Variants in CHCHD3 observed in about 807,000 individuals in gnomAD.
CHCHD3 encodes the protein coiled-coil-helix-coiled-coil-helix domain containing 3, also known as MICOS complex subunit MIC19.
A neutral mutation model predicts 38.2 loss-of-function variants in CHCHD3; 20 were observed. The observed-to-expected ratio is 0.52, with a 90% CI of 0.37 to 0.76. The LOEUF (loss-of-function observed/expected upper bound fraction) is 0.76. CHCHD3 is among the 30% of genes least tolerant of loss of function. The probability of loss-of-function intolerance (pLI) is 0.00; values close to 1 mark genes in which losing one functional copy is unlikely to be tolerated. For synonymous variants in CHCHD3, 82 were observed against 100.0 expected (o/e 0.82, Z 1.07); for missense variants, 245 against 279.2 (o/e 0.88, Z 0.87).
chr7:132,816,935 C>A (rs564216213), intron 6 of CHCHD3, among the ~76,000 whole-genome samples: 4 of 152,116 alleles, frequency 2.6e-5, no homozygotes, highest in African/African-American at 9.6e-5. Context: ...AAATGGCATA[C>A]AAAAGCCTGA....
intron 4 of CHCHD3, chr7:132,974,091 G>C: frequency 6.7e-6 from 8 of 1,185,222 alleles, no homozygotes; most frequent in South Asian, 1.4e-5. Context: ...ACATTATTCA[G>C]CCATTAAAAA....
At chr7:133,026,735 A>C (rs1397258709) in intron 2 of CHCHD3, among the ~76,000 whole-genome samples, 1 of 152,214 alleles carries the variant, frequency 6.6e-6, no homozygotes, top group Non-Finnish European at 1.5e-5. Context: ...AACATGATGA[A>C]TCTTGAAAAC....
At chr7:132,884,193 A>G (rs1809147060) in intron 5 of CHCHD3, among the ~76,000 whole-genome samples, 1 of 152,002 alleles carries the variant, frequency 6.6e-6, no homozygotes, top group South Asian at 2.1e-4. Context: ...TGCCAAGTTC[A>G]CGCCTGCTTC....
chr7:133,071,243 G>C (rs1814811480), intron 1 of CHCHD3, among the ~76,000 whole-genome samples: 1 of 152,134 alleles, frequency 6.6e-6, no homozygotes, highest in Non-Finnish European at 1.5e-5. Flanking sequence ...CAAGGATTTG[G>C]CTGTCCTATC....
At chr7:132,842,815 G>A (rs1165021425) in intron 5 of CHCHD3, among the ~76,000 whole-genome samples, 2 of 152,100 alleles carry the variant, frequency 1.3e-5, no homozygotes, top group Non-Finnish European at 2.9e-5. Flanking sequence ...TTTTATTGAG[G>A]TTGACCTTGA....
chr7:132,875,086 T>C (rs1296749883), intron 5 of CHCHD3, among the ~76,000 whole-genome samples: 1 of 152,156 alleles, frequency 6.6e-6, no homozygotes, highest in Non-Finnish European at 1.5e-5. Flanking sequence ...ACTAGCATTA[T>C]TCAGGGCACA....
intron 6 of CHCHD3, among the ~76,000 whole-genome samples, chr7:132,811,667 T>A (rs1246071847): frequency 1.3e-5 from 2 of 152,226 alleles, no homozygotes; most frequent in Non-Finnish European, 2.9e-5. Context: ...AGACATCTTA[T>A]AGGACCCGAT....
chr7:133,070,153 T>A lies in CHCHD3; in HGVS notation c.158A>T (p.Tyr53Phe). ...AAATTCAGCAATACCTGAGGCACCA[T>A]AAGCACCAGAATACCGCTGAGACTT... ...GSKSQRYSGA[Y>F]GASVSDEELK... Residue 53 changes from tyrosine (Y) to phenylalanine (F), a missense_variant, in exon 2 of 8, where the codon TAT becomes TTT. Transcript: ENST00000262570. 2 of 1,610,480 alleles carry A rather than the reference T, an allele frequency of 1.2e-6. No homozygotes were observed. Among genetic ancestry groups the A allele is most frequent in the Non-Finnish European group, 1.7e-6 (2 of 1,179,366 alleles).
Position 132,975,064 on chromosome 7 carries a change from A to G in CHCHD3, c.369+105T>C, listed in dbSNP as rs1171952340. ...CAAAATCTGAGCAAAGAGAACATGA[A>G]TAATATTATCAACACTAAAAGCTGG... On this transcript the variant is annotated intron_variant, in intron 4 of 7. Coordinates refer to ENST00000262570, the MANE Select transcript of CHCHD3 (RefSeq NM_017812.4). 27 of 878,120 alleles carry G rather than the reference A, an allele frequency of 3.1e-5. No individual in the cohort carries two copies. The East Asian group carries it at 6.6e-4, about 21-fold the overall frequency. The allele number at this position is 878,120 out of a possible 1,614,324, so 54.4% of individuals were successfully genotyped here.
intron 4 of CHCHD3, among the ~76,000 whole-genome samples, chr7:132,949,304 G>A (rs937562020): frequency 6.6e-6 from 1 of 152,022 alleles, no homozygotes; most frequent in African/African-American, 2.4e-5. Context: ...TGACAAGCAC[G>A]CCTCCCAGGA....
intron 3 of CHCHD3, among the ~76,000 whole-genome samples, chr7:133,007,330 C>T (rs933777418): frequency 6.6e-6 from 1 of 152,160 alleles, no homozygotes; most frequent in Admixed American, 6.5e-5. Flanking sequence ...GTTATTGTCT[C>T]GTTCTCAGTC....
chr7:132,909,039 G>A (rs1809869901), intron 4 of CHCHD3, among the ~76,000 whole-genome samples: 1 of 152,084 alleles, frequency 6.6e-6, no homozygotes, highest in Admixed American at 6.5e-5. Flanking sequence ...GTTCTCATGA[G>A]ATCTGATGGT....
At chr7:132,807,298 C>T (rs1035827024) in intron 6 of CHCHD3, among the ~76,000 whole-genome samples, 1 of 152,100 alleles carries the variant, frequency 6.6e-6, no homozygotes, top group Non-Finnish European at 1.5e-5. Flanking sequence ...TCTCTGCCCC[C>T]CAGGCTGTAC....
chr7:132,881,290 G>T (rs1181192016), intron 5 of CHCHD3, among the ~76,000 whole-genome samples: 1 of 152,054 alleles, frequency 6.6e-6, no homozygotes, highest in Non-Finnish European at 1.5e-5. Flanking sequence ...TTCACACATG[G>T]GAATTATCTA....
At chr7:133,064,247 T>C (rs1179190841) in intron 2 of CHCHD3, among the ~76,000 whole-genome samples, 2 of 152,222 alleles carry the variant, frequency 1.3e-5, no homozygotes, top group Admixed American at 6.5e-5. Flanking sequence ...CCTAGACTGT[T>C]GGCAGATTTC....
intron 2 of CHCHD3, among the ~76,000 whole-genome samples, chr7:133,068,573 G>C (rs1057371292): frequency 1.3e-5 from 2 of 152,194 alleles, no homozygotes; most frequent in African/African-American, 4.8e-5. Flanking sequence ...AAGATTGTGA[G>C]GACTTCTGTG....
chr7:132,958,005 A>G (rs1413160969), intron 4 of CHCHD3, among the ~76,000 whole-genome samples: 2 of 152,214 alleles, frequency 1.3e-5, no homozygotes, highest in Admixed American at 1.3e-4. Context: ...AAAATAAAAT[A>G]AAATCTGGCC....
intron 1 of CHCHD3, among the ~76,000 whole-genome samples, chr7:133,077,991 A>C (rs1815053796): frequency 6.6e-6 from 1 of 152,212 alleles, no homozygotes; most frequent in Non-Finnish European, 1.5e-5. Context: ...TAAGGACCTC[A>C]ACAATATAGA....
At chr7:132,793,498 AATGTCTCATGTCAACCC>A (rs1806518733) in intron 7 of CHCHD3, among the ~76,000 whole-genome samples, 1 of 152,212 alleles carries the variant, frequency 6.6e-6, no homozygotes, top group Non-Finnish European at 1.5e-5. Flanking sequence ...TAATAGCCTA[AATGTCTCATGTCAACCC>A]ATGAGAAATT....
Sources: gnomAD v4.1 joint callset for allele counts (sites outside exome capture counted in the v4.1 genomes callset) on GRCh38, gnomAD v4.1.1 for gene constraint, MANE v1.5 for transcripts, NCBI Gene and HGNC (gene_info 2026-07-23, HGNC 2026-07-21) for gene names.